POLR1B: variants seen among roughly 807,000 people sequenced by gnomAD.
POLR1B encodes the protein DNA-directed RNA polymerase I subunit RPA2.
Under a neutral mutation model 105.8 loss-of-function variants are expected in POLR1B, and 30 were observed. The observed-to-expected ratio is 0.28, with a 90% confidence interval of 0.21 to 0.38. The LOEUF is 0.38. POLR1B is among the 10% of genes least tolerant of loss of function. The probability of loss-of-function intolerance (pLI) is 1.00; values close to 1 mark genes in which losing one functional copy is unlikely to be tolerated. For synonymous variants in POLR1B, 485 were observed against 505.1 expected, an observed-to-expected ratio of 0.96 and a Z score of 0.53; for missense variants, 976 against 1,435.8, an observed-to-expected ratio of 0.68 and a Z score of 5.17.
chr2:112,578,479 T>A lies in POLR1B; in HGVS notation c.*2750T>A, dbSNP rs374828195. On this transcript the variant is annotated 3_prime_UTR_variant, in exon 15 of 15. Coordinates refer to ENST00000263331, the MANE Select transcript of POLR1B (RefSeq NM_019014.6). ...ATTCCCTTGAGATACATCCAGGTAG[T>A]TGCATGTATCAATAGTTAATTCCTT... Among the ~76,000 whole-genome samples, 5 of 152,234 alleles carry A rather than the reference T, an allele frequency of 3.3e-5. No individual in the cohort carries two copies. Among genetic ancestry groups the A allele is most frequent in the African/African-American group, 1.2e-4 (5 of 41,462 alleles).
Position 112,564,493 on chromosome 2 carries a change from T to C in POLR1B, c.1740T>C (p.His580=). ...CAGGCATCGCAGATTCTCTTCGTCA[T>C]TTTAAGGTGGGCTTGAGGCTTTGTG... ...LAPGIADSLR[H]FKVLREKRIP... Residue 580 remains histidine, a synonymous_variant, in exon 10 of 15, where the codon CAT becomes CAC. Coordinates refer to ENST00000263331, the MANE Select transcript of POLR1B (RefSeq NM_019014.6). The C allele has an allele frequency of 6.2e-7, 1 of 1,614,190 alleles. No individual in the cohort carries two copies. The highest frequency in any genetic ancestry group is 2.2e-5 in the East Asian group (1 of 44,888).
intron 10 of POLR1B, 149 bp from the exon 11 acceptor site, chr2:112,567,817 AT>A: frequency 1.6e-6 from 1 of 616,834 alleles, no homozygotes; most frequent in Non-Finnish European, 2.9e-6. Flanking sequence ...GTAGTTAGTG[AT>A]TTGCCTACTA....
intron 10 of POLR1B, 135 bp downstream of exon 10, chr2:112,564,634 G>A: frequency 1.6e-6 from 2 of 1,212,904 alleles, no homozygotes; most frequent in Non-Finnish European, 2.3e-6. Context: ...GAATGCCTGT[G>A]CATTCCCTCT....
At chr2:112,549,181 G>A in intron 3 of POLR1B, 86 bp from the exon 4 acceptor site, 1 of 1,441,876 alleles carries the variant, frequency 6.9e-7, no homozygotes, top group Non-Finnish European at 9.7e-7. Flanking sequence ...TCTGTGTGTT[G>A]TACTACCTTT....
intron 12 of POLR1B, among the ~76,000 whole-genome samples, chr2:112,569,243 C>T (rs1047960797): frequency 1.3e-5 from 2 of 152,180 alleles, no homozygotes; most frequent in Non-Finnish European, 2.9e-5. Context: ...ATTATAGTCA[C>T]CCGCATATTT....
Position 112,547,128 on chromosome 2 carries a change from T to G in POLR1B, c.294T>G (p.Val98=), listed in dbSNP as rs148584646. ...GGACCATCTGCAAAGAGGCCAATGT[T>G]TATCCAGCAGAATGCCGGGGCCGAA... ...PKGTICKEAN[V]YPAECRGRRS... is the part of the protein sequence containing the mutation. Residue 98 remains valine (V), a synonymous_variant, in exon 2 of 15, where the codon GTT becomes GTG. Coordinates refer to ENST00000263331, the MANE Select transcript of POLR1B (RefSeq NM_019014.6). The G allele has an allele frequency of 1.7e-4, 278 of 1,614,162 alleles. No homozygotes were observed. The African/African-American group carries it at 3.2e-3, about 19-fold the overall frequency.
At position 112,572,583 on chromosome 2, in the gene POLR1B, C is replaced by T; in HGVS notation, c.2096C>T (p.Pro699Leu). ...CQMGKQTMGFPLLTYQDRSDN... is the reference protein window; with the variant it reads ...CQMGKQTMGFLLLTYQDRSDN... ...GTAGGTAAGCAAACTATGGGCTTTC[C>T]ACTTCTCACTTATCAAGACCGATCG... is the stretch of plus-strand genomic sequence containing the variant. Residue 699 changes from proline to leucine, a missense_variant, in exon 13 of 15, where the codon CCA (proline) becomes CTA (leucine). Pro to Leu is a moderately conservative substitution (Grantham distance 98, BLOSUM62 -3). Transcript: ENST00000263331. 6.3e-7 allele frequency: 1 copy of T among 1,582,754 alleles called. No homozygotes were observed. The highest frequency in any genetic ancestry group is 8.6e-7 in the Non-Finnish European group (1 of 1,165,308).
At chr2:112,574,646 C>T (rs767442298) in intron 14 of POLR1B, among the ~76,000 whole-genome samples, 17 of 150,554 alleles carry the variant, frequency 1.1e-4, no homozygotes, top group Non-Finnish European at 2.4e-4. Context: ...TGCTTGAACC[C>T]GGAAAGTCAA....
At chr2:112,554,153 G>A (rs1683523720) in intron 7 of POLR1B, among the ~76,000 whole-genome samples, 1 of 151,178 alleles carries the variant, frequency 6.6e-6, no homozygotes, top group Admixed American at 6.6e-5. Flanking sequence ...TTTATTTTGA[G>A]ACAGAGTCTT....
At position 112,575,849 on chromosome 2, in the gene POLR1B, A is replaced by C; in HGVS notation, c.*120A>C. The C allele has an allele frequency of 1.8e-6, 2 of 1,122,044 alleles. No individual in the cohort carries two copies. Among genetic ancestry groups the C allele is most frequent in the Non-Finnish European group, 2.5e-6 (2 of 798,100 alleles). The allele number at this position is 1,122,044 out of a possible 1,614,324, so 69.5% of individuals were successfully genotyped here. A position where few individuals can be genotyped will look rare whatever the true frequency, so the allele number is the denominator to read the frequency against. ...ATTTTTCAACGGTGTTAGAACTCTC[A>C]ACCAAGACCTGAAAACCAAGTATGC... is the stretch of plus-strand genomic sequence containing the variant. On this transcript the variant is annotated 3_prime_UTR_variant, in exon 15 of 15. Transcript: ENST00000263331. The surrounding 1 kb of genome is among the most constrained non-coding windows in gnomAD (Gnocchi z 5.3).
rs1574098265 is a variant in POLR1B, at chr2:112,551,419, A to G, written c.763-356A>G. Among the ~76,000 whole-genome samples, 5 of 152,320 alleles carry G rather than the reference A, an allele frequency of 3.3e-5. No individual in the cohort carries two copies. The South Asian group carries it at 1.0e-3, about 32-fold the overall frequency. ...GTCTTCCTCCATATAGTTAGCTGAG[A>G]GAACAGAGAGCAGAAGATGCAGAAG... On this transcript the variant is annotated intron_variant, in intron 5 of 14. Coordinates refer to ENST00000263331, the MANE Select transcript of POLR1B (RefSeq NM_019014.6).
chr2:112,564,094 TATA>T (rs908574463), intron 9 of POLR1B, among the ~76,000 whole-genome samples: 7 of 152,066 alleles, frequency 4.6e-5, no homozygotes, highest in South Asian at 2.1e-4. Context: ...CCATAACAGA[TATA>T]ATAATAATAA....
intron 14 of POLR1B, 89 bp from the exon 15 acceptor site, chr2:112,574,758 T>G (rs1684782291): frequency 3.1e-6 from 3 of 966,678 alleles, no homozygotes; most frequent in Non-Finnish European, 4.6e-6. Context: ...TTTACAAATA[T>G]CCTTTATGAA....
chr2:112,574,119 A>T (rs964252581), intron 14 of POLR1B, among the ~76,000 whole-genome samples: 5 of 152,198 alleles, frequency 3.3e-5, no homozygotes, highest in Admixed American at 2.0e-4. Flanking sequence ...TGCTAGGATT[A>T]CAGGCCTGAG....
chr2:112,542,331 C>T (rs949573454), upstream of POLR1B: 11 of 1,538,804 alleles, frequency 7.1e-6, no homozygotes, highest in Admixed American at 2.0e-5. Flanking sequence ...CTACGTTGAC[C>T]CCGAGAAACC....
chr2:112,574,940 GCCTCGGAA>G lies in POLR1B; in HGVS notation c.2622_2629del (p.Arg875AsnfsTer5). ...AGTGTGTTTGCATCACTATGAGAGT[GCCTCGGAA>G]CCCAACTATCGGAGATAAATTTGCC... is the stretch of plus-strand genomic sequence containing the variant. On this transcript the variant is annotated frameshift_variant, in exon 15 of 15. Transcript: ENST00000263331. LOFTEE classifies it high-confidence loss of function. 6.2e-7 allele frequency: 1 copy of G among 1,614,134 alleles called. No individual in the cohort carries two copies.
At chr2:112,554,201 C>T (rs559581543) in intron 7 of POLR1B, among the ~76,000 whole-genome samples, 41 of 152,134 alleles carry the variant, frequency 2.7e-4, no homozygotes, top group African/African-American at 9.9e-4. Flanking sequence ...GCTACGATCT[C>T]AGCTCACTGC....
Position 112,550,879 on chromosome 2 carries a change from C to T in POLR1B, c.639C>T (p.His213=). The change falls in exon 5 of 15, where the codon CAC becomes CAT. Residue 213 remains histidine (H), a synonymous_variant. Transcript: ENST00000263331. ...PGYTQYGVSM[H]CVREEHSAVN... ...TTGGTTCAATAGGAGTTTCAATGCA[C>T]TGTGTGAGGGAAGAACATTCCGCTG... 2.5e-6 allele frequency: 4 copies of T among 1,614,072 alleles called. No individual in the cohort carries two copies. Among genetic ancestry groups the T allele is most frequent in the Non-Finnish European group, 2.5e-6 (3 of 1,179,956 alleles).
In POLR1B at chr2:112,578,846, TTAAA is replaced by T. The variant is rs755133501; in HGVS notation, c.*3119_*3122del. Among the ~76,000 whole-genome samples, 5 of 152,136 alleles carry T rather than the reference TTAAA, an allele frequency of 3.3e-5. No individual in the cohort carries two copies. Among genetic ancestry groups the T allele is most frequent in the Admixed American group, 6.5e-5 (1 of 15,272 alleles). On this transcript the variant is annotated 3_prime_UTR_variant, in exon 15 of 15. Transcript: ENST00000263331. ...AATAAATAGAACAATTATACTGTAA[TTAAA>T]TGAATGTGGCCTCAAAATGTACTGT...
Sources: gnomAD v4.1 joint callset for allele counts (sites outside exome capture counted in the v4.1 genomes callset) on GRCh38, gnomAD v4.1.1 for gene constraint, Gnocchi (gnomAD v3.1) non-coding constraint, MANE v1.5 for transcripts, NCBI Gene and HGNC (gene_info 2026-07-23, HGNC 2026-07-21) for gene names.